CPXM2: variants seen among roughly 807,000 people sequenced by gnomAD.
The protein encoded by CPXM2 is inactive carboxypeptidase-like protein X2.
Under a neutral mutation model 86.1 loss-of-function variants are expected in CPXM2, and 66 were observed. That is an observed-to-expected ratio of 0.77 (90% CI 0.63 to 0.94). The LOEUF (loss-of-function observed/expected upper bound fraction) is 0.94. Ranked by LOEUF, CPXM2 falls within the 40% of genes least tolerant of loss-of-function variation. CPXM2 has a pLI of 0.00. For synonymous variants in CPXM2, 388 were observed against 400.2 expected (o/e 0.97, Z 0.36); for missense variants, 948 against 1,026.3 (o/e 0.92, Z 1.04).
In CPXM2 at chr10:123,891,243, G is replaced by C; in HGVS notation, c.304+113C>G. 1.1e-6 allele frequency: 1 copy of C among 911,036 alleles called. No individual in the cohort carries two copies. The allele number at this position is 911,036 out of a possible 1,614,324, so 56.4% of individuals were successfully genotyped here. ...AGGGAGGCAGAGGCGGCAACAGGGA[G>C]ATTCCCGGGACTGGCCCATCCCAGA... On this transcript the variant is annotated intron_variant, in intron 1 of 13. Coordinates refer to ENST00000241305, the MANE Select transcript of CPXM2 (RefSeq NM_198148.3). This position sits in a 1 kb window ranked among gnomAD's most constrained non-coding sequence, Gnocchi z 5.6.
At chr10:123,883,026 C>CAG (rs1945118139) in intron 1 of CPXM2, among the ~76,000 whole-genome samples, 1 of 152,096 alleles carries the variant, frequency 6.6e-6, no homozygotes, top group African/African-American at 2.4e-5. Flanking sequence ...ATGGCTTGGG[C>CAG]AGACTCCACA....
chr10:123,888,666 C>T (rs907563628), intron 1 of CPXM2, among the ~76,000 whole-genome samples: 1 of 152,236 alleles, frequency 6.6e-6, no homozygotes, highest in Non-Finnish European at 1.5e-5. Context: ...AACCAGTCTT[C>T]CCACTTTGGT....
Position 123,891,465 on chromosome 10 carries a change from G to A in CPXM2, c.195C>T (p.Pro65=), listed in dbSNP as rs1240285971. Residue 65 remains proline, a synonymous_variant, in exon 1 of 14, where the codon CCC becomes CCT. Coordinates refer to ENST00000241305, the MANE Select transcript of CPXM2 (RefSeq NM_198148.3). The surrounding 1 kb of genome is among the most constrained non-coding windows in gnomAD (Gnocchi z 5.6). ...ETFSPPLPAG[P]GEEWERRPQE... is the part of the protein sequence containing the mutation. The stretch of plus-strand genomic sequence containing the variant: ...GCGGGCGCCGCTCCCACTCCTCCCC[G>A]GGCCCCGCAGGCAGCGGCGGAGAGA... 4.5e-6 allele frequency: 7 copies of A among 1,549,354 alleles called. No homozygotes were observed. Among genetic ancestry groups the A allele is most frequent in the South Asian group, 2.4e-5 (2 of 83,990 alleles).
rs191675702 is a variant in CPXM2 at position 123,835,836 on chromosome 10, G to A, written c.653+6513C>T. The stretch of plus-strand genomic sequence containing the variant: ...GCCCAGGTCCCTTGGGAGGAACAAG[G>A]GGACACAGAGGCCGGGACGATGCCT... On this transcript the variant is annotated intron_variant, in intron 4 of 13. Transcript: ENST00000241305. Among the ~76,000 whole-genome samples, 45 of 152,320 alleles carry A rather than the reference G, an allele frequency of 3.0e-4. No individual in the cohort carries two copies. The East Asian group carries it at 7.9e-3, about 27-fold the overall frequency.
chr10:123,900,868 G>A (rs1945375760), intron 2 of CPXM2, among the ~76,000 whole-genome samples: 1 of 152,052 alleles, frequency 6.6e-6, no homozygotes, highest in Non-Finnish European at 1.5e-5. Flanking sequence ...AGTAAGACTT[G>A]GCAAAACCAA....
Position 123,866,301 on chromosome 10 carries a change from C to T in CPXM2, c.404-3578G>A, listed in dbSNP as rs939088188. On this transcript the variant is annotated intron_variant, in intron 2 of 13. Transcript: ENST00000241305. ...ATTCAGGACCGGGTGCGGTGGCTCA[C>T]GCCTGTAATCCCAGCACTTTGGGAG... 2.6e-5 allele frequency among the ~76,000 whole-genome samples: 4 copies of T among 152,284 alleles called. No homozygotes were observed. In the East Asian group the frequency reaches 5.8e-4, roughly 22 times the overall value.
At chr10:123,913,493 A>G (rs1945507075) in intron 2 of CPXM2, 2 of 159,026 alleles carry the variant, frequency 1.3e-5, no homozygotes, top group South Asian at 1.8e-4. Flanking sequence ...GTGTATGTGC[A>G]TACATCTGAA....
At chr10:123,881,232 TCTTCC>T (rs201527972) in intron 1 of CPXM2, among the ~76,000 whole-genome samples, 1,077 of 65,086 alleles carry the variant, frequency 0.017, 204 homozygotes, top group East Asian at 0.055. Flanking sequence ...AGCACCCTTC[TCTTCC>T]CTTCCCTTCC....
At chr10:123,807,596 G>A (rs920201542) in intron 4 of CPXM2, among the ~76,000 whole-genome samples, 4 of 152,324 alleles carry the variant, frequency 2.6e-5, no homozygotes, top group South Asian at 2.1e-4. Flanking sequence ...TCAAGAGAGT[G>A]TGATCAAGTG....
At chr10:123,756,702 C>T (rs1846221311) in intron 12 of CPXM2, among the ~76,000 whole-genome samples, 1 of 152,108 alleles carries the variant, frequency 6.6e-6, no homozygotes. Flanking sequence ...TGGCATCCTC[C>T]TAAGAAGAGG....
At chr10:123,896,635 G>A (rs1945340427), upstream of CPXM2, among the ~76,000 whole-genome samples, 1 of 152,150 alleles carries the variant, frequency 6.6e-6, no homozygotes, top group African/African-American at 2.4e-5. Context: ...CCACTCTGTG[G>A]TTTCATTTTC....
At chr10:123,843,520 G>A (rs7908194) in intron 3 of CPXM2, among the ~76,000 whole-genome samples, 4,164 of 140,124 alleles carry the variant, frequency 0.03, 74 homozygotes, top group African/African-American at 0.056. Context: ...TGCAAGCTCC[G>A]CCTCCCGGGT....
At chr10:123,883,080 C>A (rs530312567) in intron 1 of CPXM2, among the ~76,000 whole-genome samples, 33 of 151,780 alleles carry the variant, frequency 2.2e-4, no homozygotes, top group African/African-American at 8.0e-4. Context: ...ATGGCCCGGG[C>A]ACCCCCAGGC....
At chr10:123,850,391 C>G (rs2134170160) in intron 3 of CPXM2, among the ~76,000 whole-genome samples, 1 of 152,334 alleles carries the variant, frequency 6.6e-6, no homozygotes, top group South Asian at 2.1e-4. Context: ...CAACCACAGT[C>G]TGAAAATATT....
intron 10 of CPXM2, among the ~76,000 whole-genome samples, chr10:123,763,197 G>A (rs1043974590): frequency 3.9e-5 from 6 of 152,110 alleles, no homozygotes; most frequent in Admixed American, 1.3e-4. Flanking sequence ...ACACCACCAC[G>A]CCTGGCTAAT....
At chr10:123,793,779 A>G (rs1253606763) in intron 6 of CPXM2, among the ~76,000 whole-genome samples, 1 of 152,184 alleles carries the variant, frequency 6.6e-6, no homozygotes, top group East Asian at 1.9e-4. Context: ...GACCAAATGA[A>G]CGATCAACCC....
intron 3 of CPXM2, among the ~76,000 whole-genome samples, chr10:123,846,393 G>A (rs904769015): frequency 2.0e-5 from 3 of 152,136 alleles, no homozygotes; most frequent in Non-Finnish European, 4.4e-5. Context: ...TAGGGTTTGC[G>A]CTCCTTTGAG....
intron 3 of CPXM2, among the ~76,000 whole-genome samples, chr10:123,846,445 G>A (rs1024316811): frequency 6.6e-6 from 1 of 152,180 alleles, no homozygotes; most frequent in Non-Finnish European, 1.5e-5. Flanking sequence ...TGGAGTTCAG[G>A]CCGTAATTTG....
At chr10:123,794,610 G>C (rs1354203894) in intron 6 of CPXM2, among the ~76,000 whole-genome samples, 1 of 152,064 alleles carries the variant, frequency 6.6e-6, no homozygotes, top group East Asian at 1.9e-4. Context: ...AATCTCCCCA[G>C]GTTCTGATAA....
Sources: allele counts gnomAD v4.1 joint callset (sites outside exome capture counted in the v4.1 genomes callset), GRCh38; gene constraint gnomAD v4.1.1; non-coding constraint Gnocchi (gnomAD v3.1); transcripts MANE v1.5; gene names NCBI Gene and HGNC (gene_info 2026-07-23, HGNC 2026-07-21).